Variants in CPXM2 observed in about 807,000 individuals in gnomAD.
CPXM2 encodes the protein carboxypeptidase X, M14 family member 2.
In CPXM2, 66 loss-of-function variants were observed where a neutral mutation model predicts 86.1. The ratio of observed to expected loss-of-function variants is 0.77; its 90% confidence interval spans 0.63 to 0.94. The LOEUF (loss-of-function observed/expected upper bound fraction) is 0.94. CPXM2 is among the 40% of genes least tolerant of loss of function. The pLI, the probability that CPXM2 is intolerant of heterozygous loss-of-function variation, is 0.00. For missense variants in CPXM2, 948 were observed against 1,026.3 expected, an observed-to-expected ratio of 0.92 and a Z score of 1.04; for synonymous variants, 388 against 400.2, an observed-to-expected ratio of 0.97 and a Z score of 0.36.
intron 4 of CPXM2, among the ~76,000 whole-genome samples, chr10:123,812,476 C>T (rs1037820761): frequency 2.6e-5 from 4 of 152,144 alleles, no homozygotes; most frequent in Admixed American, 2.0e-4. Flanking sequence ...GATTCCACTT[C>T]TGGGAAGAAG....
At chr10:123,942,359 A>T (rs1176730401), upstream of CPXM2, among the ~76,000 whole-genome samples, 1 of 152,192 alleles carries the variant, frequency 6.6e-6, no homozygotes, top group African/African-American at 2.4e-5. Flanking sequence ...TCACAGGATG[A>T]GATAGGAGGT....
At chr10:123,767,553 T>C (rs1846507326) in intron 9 of CPXM2, among the ~76,000 whole-genome samples, 1 of 152,200 alleles carries the variant, frequency 6.6e-6, no homozygotes, top group African/African-American at 2.4e-5. Flanking sequence ...TATTTAGCAA[T>C]GCAAATTCCT....
intron 6 of CPXM2, among the ~76,000 whole-genome samples, chr10:123,789,945 C>T (rs1377161353): frequency 6.6e-6 from 1 of 151,968 alleles, no homozygotes; most frequent in East Asian, 1.9e-4. Context: ...GGTGAAACCC[C>T]GTCTCTACTA....
intron 7 of CPXM2, among the ~76,000 whole-genome samples, chr10:123,773,861 A>G (rs982377927): frequency 6.6e-6 from 1 of 152,190 alleles, no homozygotes; most frequent in Non-Finnish European, 1.5e-5. Context: ...ACCAGGGGCC[A>G]AAGGAGGTAC....
chr10:123,881,633 TGA>T (rs1376394804), intron 1 of CPXM2, among the ~76,000 whole-genome samples: 1 of 152,170 alleles, frequency 6.6e-6, no homozygotes, highest in Non-Finnish European at 1.5e-5. Context: ...GGCTACAGCC[TGA>T]GAGTGGGAGA....
At chr10:123,881,133 C>G (rs1306264906) in intron 1 of CPXM2, among the ~76,000 whole-genome samples, 1 of 151,748 alleles carries the variant, frequency 6.6e-6, no homozygotes, top group Non-Finnish European at 1.5e-5. Flanking sequence ...CACTCCCTCT[C>G]CCTGCTCCAG....
chr10:123,796,524 G>A (rs1384903592), intron 6 of CPXM2, among the ~76,000 whole-genome samples: 3 of 152,208 alleles, frequency 2.0e-5, no homozygotes, highest in Non-Finnish European at 4.4e-5. Flanking sequence ...CAGTGTGAGG[G>A]TAAGCAGTTA....
chr10:123,760,530 G>T (rs1846308294), intron 11 of CPXM2, among the ~76,000 whole-genome samples: 1 of 152,120 alleles, frequency 6.6e-6, no homozygotes, highest in African/African-American at 2.4e-5. Flanking sequence ...CCCAAGGGTG[G>T]GAACATACTT....
At chr10:123,808,464 G>A (rs927862763) in intron 4 of CPXM2, among the ~76,000 whole-genome samples, 1 of 152,110 alleles carries the variant, frequency 6.6e-6, no homozygotes, top group Non-Finnish European at 1.5e-5. Flanking sequence ...CAGGGAAAAT[G>A]CATCTAACAG....
intron 2 of CPXM2, among the ~76,000 whole-genome samples, chr10:123,925,999 A>G (rs1945619345): frequency 6.6e-6 from 1 of 152,224 alleles, no homozygotes; most frequent in Non-Finnish European, 1.5e-5. Context: ...CTTTTAAAGT[A>G]TAGCAGGATC....
Position 123,780,252 on chromosome 10 carries a change from G to C in CPXM2, c.893C>G (p.Pro298Arg), listed in dbSNP as rs1247435269. Residue 298 changes from proline to arginine, a missense_variant, in exon 7 of 14, where the codon CCT (proline) becomes CGT (arginine). Physicochemically the swap from Pro to Arg is moderately radical, Grantham distance 103 (BLOSUM62 -2). Transcript: ENST00000241305. ...GTTCCGGCGGTGATAATAATTATTA[G>C]GATCTAGGGACAGAAACATGATTTT... ...MEILGCPLPD[P>R]NNYYHRRNEM... 6.3e-7 allele frequency: 1 copy of C among 1,591,328 alleles called. No individual in the cohort carries two copies. Among genetic ancestry groups the C allele is most frequent in the Admixed American group, 1.7e-5 (1 of 59,976 alleles).
At chr10:123,832,593 G>A (rs546850309) in intron 4 of CPXM2, among the ~76,000 whole-genome samples, 2 of 152,218 alleles carry the variant, frequency 1.3e-5, no homozygotes, top group South Asian at 2.1e-4. Flanking sequence ...TTGGGAGGCC[G>A]AGGTGGGTGG....
intron 4 of CPXM2, among the ~76,000 whole-genome samples, chr10:123,813,070 G>A (rs918820207): frequency 2.0e-5 from 3 of 152,084 alleles, no homozygotes; most frequent in Non-Finnish European, 4.4e-5. Context: ...CTACATACAG[G>A]AAAACGCCAC....
At chr10:123,766,865 G>T in intron 10 of CPXM2, 108 bp downstream of exon 10, 1 of 901,776 alleles carries the variant, frequency 1.1e-6, no homozygotes, top group Non-Finnish European at 1.7e-6. Flanking sequence ...AAACATGAAA[G>T]AAAAAAACAG....
intron 2 of CPXM2, among the ~76,000 whole-genome samples, chr10:123,874,410 C>T (rs1944946756): frequency 6.6e-6 from 1 of 152,118 alleles, no homozygotes; most frequent in African/African-American, 2.4e-5. Context: ...GCCCTACCCC[C>T]AAATACCATC....
intron 12 of CPXM2, 145 bp downstream of exon 12, chr10:123,757,068 C>T: frequency 1.4e-6 from 1 of 718,182 alleles, no homozygotes; most frequent in Non-Finnish European, 2.4e-6. Flanking sequence ...CAAGTGTCAA[C>T]ACACAGTGGC....
chr10:123,881,651 C>A (rs1366046726), intron 1 of CPXM2, among the ~76,000 whole-genome samples: 1 of 152,152 alleles, frequency 6.6e-6, no homozygotes. Flanking sequence ...GGAGATGTAG[C>A]CTTCCAAGGG....
chr10:123,936,292 C>T (rs897180823), intron 2 of CPXM2, among the ~76,000 whole-genome samples: 1 of 152,180 alleles, frequency 6.6e-6, no homozygotes, highest in South Asian at 2.1e-4. Context: ...GAACTCCAGA[C>T]CATCCTGTAA....
intron 9 of CPXM2, among the ~76,000 whole-genome samples, chr10:123,767,402 G>T (rs186588082): frequency 6.6e-6 from 1 of 152,172 alleles, no homozygotes; most frequent in Non-Finnish European, 1.5e-5. Context: ...ACATGGAAGT[G>T]CTTAAAAAGC....
Sources: allele counts gnomAD v4.1 joint callset (sites outside exome capture counted in the v4.1 genomes callset), GRCh38; gene constraint gnomAD v4.1.1; transcripts MANE v1.5; gene names NCBI Gene and HGNC (gene_info 2026-07-23, HGNC 2026-07-21).